The following GBF1 variants were observed in gnomAD, a reference collection of about 807,000 sequenced individuals.
GBF1 encodes golgi brefeldin A resistant guanine nucleotide exchange factor 1, also known as Golgi-specific brefeldin A-resistance guanine nucleotide exchange factor 1.
A neutral mutation model predicts 210.5 loss-of-function variants in GBF1; 114 were observed. That is an observed-to-expected ratio of 0.54 (90% CI 0.47 to 0.63). The LOEUF is 0.63. GBF1 is among the 30% of genes least tolerant of loss of function. The pLI, the probability that GBF1 is intolerant of heterozygous loss-of-function variation, is 0.00. For missense variants in GBF1, 1,851 were observed against 2,357.7 expected, an observed-to-expected ratio of 0.79 and a Z score of 4.45; for synonymous variants, 850 against 889.2, an observed-to-expected ratio of 0.96 and a Z score of 0.78.
intron 3 of GBF1, among the ~76,000 whole-genome samples, chr10:102,272,119 T>C (rs1292257822): frequency 1.3e-5 from 2 of 151,794 alleles, no homozygotes; most frequent in Non-Finnish European, 2.9e-5. Flanking sequence ...TTGATTTTTT[T>C]TTTTTTAGAC....
chr10:102,271,520 T>TG (rs1416447215), intron 3 of GBF1, among the ~76,000 whole-genome samples: 1 of 151,568 alleles, frequency 6.6e-6, no homozygotes, highest in East Asian at 1.9e-4. Context: ...CCACCTTTTT[T>TG]TTTTTTTTTC....
At position 102,368,335 on chromosome 10, in the gene GBF1, T is replaced by A. The variant is rs1482591012; in HGVS notation, c.2760T>A (p.Thr920=). The change falls in exon 22 of 40, where the codon ACT becomes ACA. Residue 920 remains threonine, a synonymous_variant. Coordinates refer to ENST00000369983, the MANE Select transcript of GBF1 (RefSeq NM_001377137.1). ...TPEGIFLRVP[T]ASYDLDLFTM... ...AGGGCATATTCCTGCGTGTGCCTACTGCCAGCTATGATCTTGACCTCTTCA... is the reference window on the plus strand; with the variant it reads ...AGGGCATATTCCTGCGTGTGCCTACAGCCAGCTATGATCTTGACCTCTTCA... The A allele has an allele frequency of 6.2e-7, 1 of 1,613,776 alleles. No homozygotes were observed. The highest frequency in any genetic ancestry group is 1.1e-5 in the South Asian group (1 of 91,076).
rs558794470 is a variant in GBF1, at chr10:102,260,321, AT to A, written c.163+209del. On this transcript the variant is annotated intron_variant, in intron 3 of 39. Transcript: ENST00000369983. The stretch of plus-strand genomic sequence containing the variant: ...ATATATAAATAAATGAGAAATATAT[AT>A]TTTCTTTTTGTTTATTTCATAGAGA... Among the ~76,000 whole-genome samples, 440 of 151,862 alleles carry A rather than the reference AT, an allele frequency of 2.9e-3. 1 individual carries two copies. Among genetic ancestry groups the A allele is most frequent in the African/African-American group, 9.8e-3 (406 of 41,410 alleles).
intron 3 of GBF1, among the ~76,000 whole-genome samples, chr10:102,296,468 G>C (rs2076913851): frequency 6.6e-6 from 1 of 152,216 alleles, no homozygotes; most frequent in Non-Finnish European, 1.5e-5. Context: ...TTGTAGGCCA[G>C]ACGCGGTGGC....
chr10:102,381,084 G>C, intron 38 of GBF1, 43 bp from the exon 39 acceptor site: 1 of 1,595,408 alleles, frequency 6.3e-7, no homozygotes, highest in South Asian at 1.1e-5. Flanking sequence ...GCTGGAGAGA[G>C]AAAGCACTAA....
intron 3 of GBF1, among the ~76,000 whole-genome samples, chr10:102,310,474 C>A (rs1039320203): frequency 3.3e-5 from 5 of 152,116 alleles, no homozygotes; most frequent in African/African-American, 7.2e-5. Context: ...TAGGTCATTT[C>A]TACTGCTGGC....
upstream of GBF1, among the ~76,000 whole-genome samples, chr10:102,245,316 A>G (rs562426748): frequency 5.3e-5 from 8 of 152,216 alleles, no homozygotes; most frequent in Admixed American, 2.0e-4. Context: ...GGTTTTTTAA[A>G]CTGTCACTCA....
chr10:102,363,123 G>C lies in GBF1; in HGVS notation c.1877-133G>C. On this transcript the variant is annotated intron_variant, in intron 15 of 39. Coordinates refer to ENST00000369983, the MANE Select transcript of GBF1 (RefSeq NM_001377137.1). This position sits in a 1 kb window ranked among gnomAD's most constrained non-coding sequence, Gnocchi z 4.2. ...ACAGGGACTACTTATTTTGGCTTGG[G>C]TTTGTCCTGCTCAGGGCTGGCGCCC... The C allele has an allele frequency of 1.4e-6, 1 of 720,160 alleles. No individual in the cohort carries two copies. The highest frequency in any genetic ancestry group is 2.3e-5 in the South Asian group (1 of 43,874). The allele number at this position is 720,160 out of a possible 1,614,324, so 44.6% of individuals were successfully genotyped here.
chr10:102,257,364 A>C (rs1357503252), intron 1 of GBF1, among the ~76,000 whole-genome samples: 1 of 152,090 alleles, frequency 6.6e-6, no homozygotes, highest in Admixed American at 6.6e-5. Context: ...GCTGGAGTGC[A>C]GTTGTGGGGT....
chr10:102,259,083 A>T (rs774419545), intron 2 of GBF1, 49 bp downstream of exon 2: 5 of 898,828 alleles, frequency 5.6e-6, no homozygotes, highest in Non-Finnish European at 9.5e-6. Flanking sequence ...TTTATAGGGG[A>T]TCTGTTGGCA....
At chr10:102,232,100 C>T in the GBF1 span, 16 of 1,476,922 alleles carry the variant, frequency 1.1e-5, no homozygotes, top group African/African-American at 1.8e-4. Context: ...GCTCTGGAGG[C>T]GAGAGAAGAC....
chr10:102,324,015 A>G (rs2056674424), intron 3 of GBF1, among the ~76,000 whole-genome samples: 1 of 152,142 alleles, frequency 6.6e-6, no homozygotes, highest in African/African-American at 2.4e-5. Context: ...ATGGTTTGTC[A>G]TAAGAACTCT....
chr10:102,265,691 G>T (rs2073789707), intron 3 of GBF1, among the ~76,000 whole-genome samples: 1 of 151,930 alleles, frequency 6.6e-6, no homozygotes, highest in Admixed American at 6.6e-5. Flanking sequence ...TTCAATGAAT[G>T]AATGAATGAA....
chr10:102,287,686 A>T (rs2076078926), intron 3 of GBF1, among the ~76,000 whole-genome samples: 1 of 152,182 alleles, frequency 6.6e-6, no homozygotes, highest in African/African-American at 2.4e-5. Flanking sequence ...AGGACTGCTC[A>T]CAGCATGGAA....
rs201483112 is a variant in GBF1 at position 102,376,647 on chromosome 10, G to A, written c.4135G>A (p.Gly1379Arg). Residue 1379 changes from glycine (G) to arginine (R), a missense_variant, in exon 32 of 40, where the codon GGA (glycine) becomes AGA (arginine). By Grantham distance (125) the Gly-to-Arg change is moderately radical (BLOSUM62 -2). This residue lies in a region of GBF1 where 967 missense variants were observed against 1,247.7 expected (regional missense o/e 0.78). Transcript: ENST00000369983. ...PLINQYSLTV[G>R]LDLGPHDTKS... ...GATCAATCAATACAGCCTAACAGTG[G>A]GACTGGATTTGGGGCCACACGACAC... 29 of 1,613,758 alleles carry A rather than the reference G, an allele frequency of 1.8e-5. No homozygotes were observed. Among genetic ancestry groups the A allele is most frequent in the Non-Finnish European group, 2.4e-5 (28 of 1,179,900 alleles).
At chr10:102,354,113 G>A (rs1022343794) in intron 8 of GBF1, among the ~76,000 whole-genome samples, 1 of 152,176 alleles carries the variant, frequency 6.6e-6, no homozygotes, top group Non-Finnish European at 1.5e-5. Flanking sequence ...TTCTTAAACT[G>A]CTAGGAGAAG....
intron 4 of GBF1, among the ~76,000 whole-genome samples, chr10:102,349,843 G>A (rs1046776267): frequency 6.6e-6 from 1 of 152,128 alleles, no homozygotes; most frequent in Non-Finnish European, 1.5e-5. Context: ...CTGCTTAATA[G>A]CATTTGTGTT....
At chr10:102,294,779 T>C (rs2076782610) in intron 3 of GBF1, among the ~76,000 whole-genome samples, 1 of 152,306 alleles carries the variant, frequency 6.6e-6, no homozygotes, top group South Asian at 2.1e-4. Flanking sequence ...TAGTATTCAA[T>C]ACAGTAACAG....
At chr10:102,246,192 A>G (rs1012340864) in intron 1 of GBF1, among the ~76,000 whole-genome samples, 10 of 152,188 alleles carry the variant, frequency 6.6e-5, no homozygotes, top group African/African-American at 2.2e-4. Flanking sequence ...TAGATTCTGT[A>G]CAGCGTCTAC....
Sources: gnomAD v4.1 joint callset for allele counts (sites outside exome capture counted in the v4.1 genomes callset) on GRCh38, gnomAD v4.1.1 for gene constraint, gnomAD v4.1.1 regional missense constraint, Gnocchi (gnomAD v3.1) non-coding constraint, MANE v1.5 for transcripts, NCBI Gene and HGNC (gene_info 2026-07-23, HGNC 2026-07-21) for gene names.